Variants in PTTG1IP2 observed in about 807,000 individuals in gnomAD.
The protein encoded by PTTG1IP2 is PTTG1IP family member 2.
intron 1 of PTTG1IP2, among the ~76,000 whole-genome samples, chr7:90,472,933 G>A (rs1722411551): frequency 6.6e-6 from 1 of 152,104 alleles, no homozygotes; most frequent in African/African-American, 2.4e-5. Context: ...AGAGAAACCT[G>A]GTATACCACT....
rs183179026 is a variant in PTTG1IP2 at position 90,498,331 on chromosome 7, C to A, written c.*50+3901C>A. On this transcript the variant is annotated intron_variant, in intron 6 of 6. Coordinates refer to ENST00000509356, the MANE Select transcript of PTTG1IP2 (RefSeq NM_001365443.2). ...GTAGGTTCTTACCTGTCAATAATCA[C>A]CTTGAATGTAAATAGGTTAAATTCT... 5.4e-3 allele frequency among the ~76,000 whole-genome samples: 823 copies of A among 152,242 alleles called. 10 individuals are homozygous for A. Among genetic ancestry groups the A allele is most frequent in the African/African-American group, 0.019 (789 of 41,542 alleles).
intron 6 of PTTG1IP2, among the ~76,000 whole-genome samples, chr7:90,511,961 T>G (rs938329752): frequency 1.3e-5 from 2 of 152,260 alleles, no homozygotes; most frequent in Non-Finnish European, 1.5e-5. Flanking sequence ...TATATGATAC[T>G]TTGCACATAA....
At chr7:90,488,810 A>G (rs1797906126) in intron 3 of PTTG1IP2, 61 bp from the exon 4 acceptor site, 1 of 152,038 alleles carries the variant, frequency 6.6e-6, no homozygotes, top group South Asian at 2.1e-4. Context: ...GAAAAGATGC[A>G]AATAGCAGAA....
intron 6 of PTTG1IP2, among the ~76,000 whole-genome samples, chr7:90,506,929 T>C (rs1420248601): frequency 6.6e-6 from 1 of 152,182 alleles, no homozygotes; most frequent in African/African-American, 2.4e-5. Context: ...TATTTTTTAC[T>C]GATCTTCTAG....
At chr7:90,509,053 A>G (rs1252228169) in intron 6 of PTTG1IP2, among the ~76,000 whole-genome samples, 1 of 151,508 alleles carries the variant, frequency 6.6e-6, no homozygotes, top group Non-Finnish European at 1.5e-5. Flanking sequence ...ACATAGGGAT[A>G]TGAACTTTAT....
chr7:90,481,647 T>A (rs2116060853), intron 2 of PTTG1IP2, among the ~76,000 whole-genome samples: 1 of 152,250 alleles, frequency 6.6e-6, no homozygotes, highest in Admixed American at 6.5e-5. Context: ...TTCTTATCCC[T>A]CCTTTTAGAG....
chr7:90,480,310 T>G (rs1032080004), intron 2 of PTTG1IP2, among the ~76,000 whole-genome samples: 5 of 152,196 alleles, frequency 3.3e-5, no homozygotes, highest in Admixed American at 2.6e-4. Context: ...TTCCCTTCAG[T>G]TTATTGGCCC....
intron 4 of PTTG1IP2, among the ~76,000 whole-genome samples, chr7:90,491,338 T>A: frequency 6.6e-6 from 1 of 152,208 alleles, no homozygotes; most frequent in East Asian, 1.9e-4. Context: ...GCAAGAAAGA[T>A]CAGGCCGGGT....
intron 6 of PTTG1IP2, among the ~76,000 whole-genome samples, chr7:90,496,628 T>C (rs1170007982): frequency 6.6e-6 from 1 of 152,144 alleles, no homozygotes. Flanking sequence ...TTTTTAACTC[T>C]TCTTACTATA....
At chr7:90,483,768 T>G (rs1353734124) in intron 2 of PTTG1IP2, among the ~76,000 whole-genome samples, 1 of 152,192 alleles carries the variant, frequency 6.6e-6, no homozygotes, top group Non-Finnish European at 1.5e-5. Context: ...GCCCTATTTC[T>G]TCCCTCACCA....
chr7:90,496,051 G>A (rs1344884239), intron 6 of PTTG1IP2, among the ~76,000 whole-genome samples: 1 of 152,184 alleles, frequency 6.6e-6, no homozygotes, highest in African/African-American at 2.4e-5. Flanking sequence ...GCTGAATTCA[G>A]TTTACTGGTA....
In PTTG1IP2 at chr7:90,470,698, G is replaced by A. The variant is rs188951373; in HGVS notation, c.145+767G>A. On this transcript the variant is annotated intron_variant, in intron 1 of 6. Transcript: ENST00000509356. ...ATCTCCTTCGAGGGGGTAGGGTTGG[G>A]GCGACGCTGAATTAAAAGAGCTAGC... Among the ~76,000 whole-genome samples, 769 of 152,230 alleles carry A rather than the reference G, an allele frequency of 5.1e-3. 3 individuals are homozygous for A. Among genetic ancestry groups the A allele is most frequent in the South Asian group, 0.022 (107 of 4,824 alleles).
chr7:90,498,275 A>ATT (rs1020975042), intron 6 of PTTG1IP2, among the ~76,000 whole-genome samples: 1 of 152,134 alleles, frequency 6.6e-6, no homozygotes, highest in Admixed American at 6.5e-5. Flanking sequence ...GAATCCCTTT[A>ATT]TTACTATATT....
At chr7:90,470,977 A>G (rs1403964203) in intron 1 of PTTG1IP2, among the ~76,000 whole-genome samples, 1 of 151,970 alleles carries the variant, frequency 6.6e-6, no homozygotes, top group South Asian at 2.1e-4. Flanking sequence ...AAAAAAAAAA[A>G]AAAGAAAAAA....
At chr7:90,511,717 A>C (rs1432911971) in intron 6 of PTTG1IP2, among the ~76,000 whole-genome samples, 1 of 152,040 alleles carries the variant, frequency 6.6e-6, no homozygotes, top group Non-Finnish European at 1.5e-5. Context: ...TACTCATCTT[A>C]AGAGGGAAAT....
intron 2 of PTTG1IP2, among the ~76,000 whole-genome samples, chr7:90,483,738 G>A (rs1797838801): frequency 6.6e-6 from 1 of 152,058 alleles, no homozygotes; most frequent in African/African-American, 2.4e-5. Flanking sequence ...TCCTTCCTTG[G>A]CAATCTTGGC....
intron 6 of PTTG1IP2, among the ~76,000 whole-genome samples, chr7:90,494,865 C>G (rs1483672232): frequency 6.6e-6 from 1 of 152,142 alleles, no homozygotes; most frequent in East Asian, 1.9e-4. Context: ...AAAAAATTAG[C>G]TGGGCATGGT....
intron 6 of PTTG1IP2, among the ~76,000 whole-genome samples, chr7:90,511,923 A>C (rs779002613): frequency 6.6e-6 from 1 of 152,222 alleles, no homozygotes; most frequent in Non-Finnish European, 1.5e-5. Context: ...CCTTCCACTC[A>C]GCCTGGGCAT....
chr7:90,501,567 G>A (rs955495799), intron 6 of PTTG1IP2, among the ~76,000 whole-genome samples: 1 of 152,132 alleles, frequency 6.6e-6, no homozygotes, highest in Admixed American at 6.5e-5. Flanking sequence ...CTACTTGGGA[G>A]GCTGGGGTGA....
Sources: allele counts gnomAD v4.1 joint callset (sites outside exome capture counted in the v4.1 genomes callset), GRCh38; gene constraint gnomAD v4.1.1; transcripts MANE v1.5; gene names NCBI Gene and HGNC (gene_info 2026-07-23, HGNC 2026-07-21).